The following CACNA2D3 variants were observed in gnomAD, a reference collection of about 807,000 sequenced individuals.
CACNA2D3 encodes calcium voltage-gated channel auxiliary subunit alpha2delta 3, also known as voltage-dependent calcium channel subunit alpha-2/delta-3.
CACNA2D3 carries 60 observed loss-of-function variants against 160.6 expected under a neutral mutation model. The ratio of observed to expected loss-of-function variants is 0.37; its 90% CI spans 0.30 to 0.46. The LOEUF is 0.46. CACNA2D3 is among the 20% of genes least tolerant of loss of function. The pLI is 1.00. For missense variants in CACNA2D3, 1,205 were observed against 1,365.0 expected, an observed-to-expected ratio of 0.88 and a Z score of 1.85; for synonymous variants, 558 against 492.9, an observed-to-expected ratio of 1.13 and a Z score of -1.75.
intron 16 of CACNA2D3, among the ~76,000 whole-genome samples, chr3:54,839,959 A>G (rs938939783): frequency 2.0e-5 from 3 of 152,214 alleles, no homozygotes; most frequent in Non-Finnish European, 2.9e-5. Flanking sequence ...CTGAGAAACT[A>G]AAAGTCAAAG....
chr3:54,757,651 C>T (rs1701998480), intron 12 of CACNA2D3, among the ~76,000 whole-genome samples: 1 of 152,208 alleles, frequency 6.6e-6, no homozygotes, highest in Non-Finnish European at 1.5e-5. Context: ...GTGATGCTTG[C>T]TGTTACCGTA....
At chr3:54,944,457 G>C (rs1701557995) in intron 27 of CACNA2D3, among the ~76,000 whole-genome samples, 1 of 151,594 alleles carries the variant, frequency 6.6e-6, no homozygotes, top group Non-Finnish European at 1.5e-5. Flanking sequence ...ATCTCGCTCT[G>C]TCGCCCAGGC....
chr3:54,402,864 G>A (rs910693962), intron 4 of CACNA2D3, among the ~76,000 whole-genome samples: 5 of 152,098 alleles, frequency 3.3e-5, no homozygotes, highest in African/African-American at 1.2e-4. Flanking sequence ...TCTCCAGGAC[G>A]AACCATATGG....
At chr3:55,051,282 G>A (rs1704201521) in intron 35 of CACNA2D3, among the ~76,000 whole-genome samples, 1 of 152,082 alleles carries the variant, frequency 6.6e-6, no homozygotes, top group Non-Finnish European at 1.5e-5. Flanking sequence ...ATGGGTTTTT[G>A]GTGTGGATGT....
At chr3:54,264,713 G>C (rs578215189) in intron 2 of CACNA2D3, among the ~76,000 whole-genome samples, 6 of 152,282 alleles carry the variant, frequency 3.9e-5, no homozygotes, top group African/African-American at 1.4e-4. Flanking sequence ...TCTTATTTAT[G>C]TATTATTTAT....
At chr3:54,692,536 T>TTTTC in intron 11 of CACNA2D3, among the ~76,000 whole-genome samples, 1 of 152,302 alleles carries the variant, frequency 6.6e-6, no homozygotes, top group East Asian at 1.9e-4. Flanking sequence ...TTTTCTATTC[T>TTTTC]TTTCTTTCTT....
At chr3:54,853,872 G>C (rs982705543) in intron 17 of CACNA2D3, among the ~76,000 whole-genome samples, 1 of 151,956 alleles carries the variant, frequency 6.6e-6, no homozygotes, top group Non-Finnish European at 1.5e-5. Context: ...CTATGGGGGT[G>C]GGGGGATGGG....
At chr3:54,371,344 G>C (rs1001943737) in intron 3 of CACNA2D3, among the ~76,000 whole-genome samples, 2 of 152,064 alleles carry the variant, frequency 1.3e-5, no homozygotes, top group African/African-American at 4.8e-5. Flanking sequence ...TGAGAAAATA[G>C]GGTGATATTT....
chr3:54,734,382 G>C (rs755663430), intron 11 of CACNA2D3, among the ~76,000 whole-genome samples: 1 of 152,142 alleles, frequency 6.6e-6, no homozygotes, highest in Non-Finnish European at 1.5e-5. Context: ...GAGCATCTTC[G>C]CAGTGAAGTC....
At chr3:54,578,503 C>T (rs73841668) in intron 8 of CACNA2D3, among the ~76,000 whole-genome samples, 4,177 of 152,280 alleles carry the variant, frequency 0.027, 166 homozygotes, top group African/African-American at 0.096. Flanking sequence ...CGGGAGGAGC[C>T]GTTGGGTAGT....
intron 4 of CACNA2D3, among the ~76,000 whole-genome samples, chr3:54,393,899 G>A (rs1033274380): frequency 6.6e-6 from 1 of 152,180 alleles, no homozygotes; most frequent in Admixed American, 6.5e-5. Context: ...GGGGAGTGGG[G>A]TCATCACTGT....
intron 17 of CACNA2D3, among the ~76,000 whole-genome samples, chr3:54,861,791 A>G (rs984376885): frequency 1.3e-5 from 2 of 152,206 alleles, no homozygotes; most frequent in South Asian, 2.1e-4. Context: ...GGCTCACGCC[A>G]CTTTCTCTGA....
At chr3:54,796,066 T>C (rs941522531) in intron 13 of CACNA2D3, among the ~76,000 whole-genome samples, 1 of 152,178 alleles carries the variant, frequency 6.6e-6, no homozygotes, top group South Asian at 2.1e-4. Context: ...TGAAGTGGTA[T>C]GGTAGTCAGT....
At chr3:54,440,347 C>T (rs1466970183) in intron 4 of CACNA2D3, among the ~76,000 whole-genome samples, 2 of 152,176 alleles carry the variant, frequency 1.3e-5, no homozygotes, top group African/African-American at 4.8e-5. Context: ...CCACCCTAAC[C>T]ATGTTCTTTT....
rs1698847489 is a variant in CACNA2D3 at position 54,616,236 on chromosome 3, G to T, written c.964-11551G>T. Among the ~76,000 whole-genome samples the T allele has an allele frequency of 2.6e-5, 4 of 152,304 alleles. 1 individual carries two copies. The Middle Eastern group carries it at 0.014, about 518-fold the overall frequency. On this transcript the variant is annotated intron_variant, in intron 9 of 37. Transcript: ENST00000474759. ...TGAGGTTGCATTCAGGATGTAGGCT[G>T]GGGGCTGGTCTTCCAAGGGCTGGCT...
Position 54,828,351 on chromosome 3 carries a change from A to G in CACNA2D3, c.1399-8808A>G, listed in dbSNP as rs549299777. On this transcript the variant is annotated intron_variant, in intron 14 of 37. Transcript: ENST00000474759. Reference sequence around the variant, plus strand: ...ATTAGTCCTGGGCATTCTTGAAATAAGCAGGTTATACCCAAATAAACCAAC... The same window carrying G: ...ATTAGTCCTGGGCATTCTTGAAATAGGCAGGTTATACCCAAATAAACCAAC... 4.7e-4 allele frequency among the ~76,000 whole-genome samples: 71 copies of G among 152,346 alleles called. 1 individual carries two copies. Among genetic ancestry groups the G allele is most frequent in the Admixed American group, 4.0e-3 (61 of 15,302 alleles).
chr3:54,882,487 T>C (rs1447888830), intron 21 of CACNA2D3, among the ~76,000 whole-genome samples: 2 of 152,182 alleles, frequency 1.3e-5, no homozygotes, highest in Non-Finnish European at 1.5e-5. Flanking sequence ...TCCTGTATGT[T>C]CCACAGCTGT....
intron 13 of CACNA2D3, among the ~76,000 whole-genome samples, chr3:54,803,135 C>T (rs923951161): frequency 6.6e-6 from 1 of 152,126 alleles, no homozygotes; most frequent in African/African-American, 2.4e-5. Context: ...AAAAAGGAAA[C>T]TCTAAAAAGC....
At chr3:54,519,539 G>A (rs1701612200) in intron 5 of CACNA2D3, among the ~76,000 whole-genome samples, 1 of 152,224 alleles carries the variant, frequency 6.6e-6, no homozygotes, top group African/African-American at 2.4e-5. Context: ...GCAGTAGGGA[G>A]TATTTTCTGA....
Sources: gnomAD v4.1 joint callset for allele counts (sites outside exome capture counted in the v4.1 genomes callset) on GRCh38, gnomAD v4.1.1 for gene constraint, MANE v1.5 for transcripts, NCBI Gene and HGNC (gene_info 2026-07-23, HGNC 2026-07-21) for gene names.